DLGAP1: variants seen among roughly 807,000 people sequenced by gnomAD.
DLGAP1 encodes disks large-associated protein 1.
DLGAP1 carries 11 observed loss-of-function variants against 90.8 expected under a neutral mutation model. The ratio of observed to expected loss-of-function variants is 0.12; its 90% confidence interval spans 0.08 to 0.20. The LOEUF is 0.20. Ranked by LOEUF, DLGAP1 falls within the 10% of genes least tolerant of loss-of-function variation. The pLI, the probability that DLGAP1 is intolerant of heterozygous loss-of-function variation, is 1.00. For missense variants in DLGAP1, 1,050 were observed against 1,333.8 expected (o/e 0.79, Z 3.31); for synonymous variants, 558 against 540.7 (o/e 1.03, Z -0.44).
At chr18:4,310,550 C>T (rs2143445020) in intron 1 of DLGAP1, among the ~76,000 whole-genome samples, 1 of 152,258 alleles carries the variant, frequency 6.6e-6, no homozygotes. Context: ...TATGTGATTT[C>T]CTACAACCTT....
intron 2 of DLGAP1, among the ~76,000 whole-genome samples, chr18:4,110,998 C>G (rs2075962020): frequency 6.6e-6 from 1 of 152,084 alleles, no homozygotes; most frequent in Non-Finnish European, 1.5e-5. Flanking sequence ...ATGAAGCTCT[C>G]TTCATTTCAT....
In DLGAP1 at chr18:3,561,260, A is replaced by C. The variant is rs1334263724; in HGVS notation, c.2057+6230T>G. 2.3e-4 allele frequency among the ~76,000 whole-genome samples: 23 copies of C among 102,138 alleles called. 1 individual carries two copies. The highest frequency in any genetic ancestry group is 9.7e-4 in the Admixed American group (10 of 10,336). The allele number at this position is 102,138 out of a possible 152,430, so 67.0% of individuals were successfully genotyped here. A position where few individuals can be genotyped will look rare whatever the true frequency, so the allele number is the denominator to read the frequency against. On this transcript the variant is annotated intron_variant, in intron 9 of 12. Transcript: ENST00000315677. ...GTGAAACACCGTCTCTACTAAAAAA[A>C]AAAAACAAAAAAAAAAAAACAAACA...
At position 4,320,379 on chromosome 18, in the gene DLGAP1, ATATT is replaced by A. The variant is rs2080650800; in HGVS notation, c.-267+134623_-267+134626del. On this transcript the variant is annotated intron_variant, in intron 1 of 12. Transcript: ENST00000315677. ...CTTTTTAAAGTTATTTGAATTAAAT[ATATT>A]TATTTTTTATTAGAGCTCTATAAAT... Among the ~76,000 whole-genome samples, 4 of 152,272 alleles carry A rather than the reference ATATT, an allele frequency of 2.6e-5. No individual in the cohort carries two copies. In the South Asian group the frequency reaches 8.3e-4, roughly 32 times the overall value.
At position 3,802,693 on chromosome 18, in the gene DLGAP1, G is replaced by A. The variant is rs921081131; in HGVS notation, c.1172+11366C>T. Among the ~76,000 whole-genome samples the A allele has an allele frequency of 1.4e-3, 210 of 148,582 alleles. 4 individuals carry two copies. Among genetic ancestry groups the A allele is most frequent in the Non-Finnish European group, 3.5e-4 (24 of 67,958 alleles). On this transcript the variant is annotated intron_variant, in intron 5 of 12. Transcript: ENST00000315677. ...AACTTACAAATAATGATACAAAATTGTTTTCATTGCTCTTGGCGGCACTGA... is the reference window on the plus strand; with the variant it reads ...AACTTACAAATAATGATACAAAATTATTTTCATTGCTCTTGGCGGCACTGA...
At chr18:4,224,011 T>C (rs1263288180) in intron 1 of DLGAP1, among the ~76,000 whole-genome samples, 1 of 152,204 alleles carries the variant, frequency 6.6e-6, no homozygotes, top group East Asian at 1.9e-4. Context: ...AGAATGAGCA[T>C]AGAACACTGA....
intron 7 of DLGAP1, among the ~76,000 whole-genome samples, chr18:3,583,565 A>C (rs1054992437): frequency 1.3e-5 from 2 of 152,210 alleles, no homozygotes; most frequent in Non-Finnish European, 1.5e-5. Flanking sequence ...ATTAATCCAC[A>C]TGCTAGCTTA....
intron 1 of DLGAP1, among the ~76,000 whole-genome samples, chr18:4,363,887 C>G (rs1351901155): frequency 6.6e-6 from 1 of 152,092 alleles, no homozygotes; most frequent in African/African-American, 2.4e-5. Flanking sequence ...ACCATTTGAA[C>G]CAGCCATCCC....
At chr18:3,704,486 C>T (rs2061374448) in intron 7 of DLGAP1, among the ~76,000 whole-genome samples, 1 of 151,978 alleles carries the variant, frequency 6.6e-6, no homozygotes, top group Admixed American at 6.6e-5. Context: ...AGGAGAATCG[C>T]TTGAACCCGG....
At chr18:4,046,260 A>G (rs796404428) in intron 2 of DLGAP1, among the ~76,000 whole-genome samples, 17 of 152,326 alleles carry the variant, frequency 1.1e-4, no homozygotes, top group African/African-American at 4.1e-4. Context: ...TAGAGCTTCT[A>G]AAGATTGCAT....
chr18:3,555,861 C>G (rs1226488138), intron 9 of DLGAP1, among the ~76,000 whole-genome samples: 1 of 151,938 alleles, frequency 6.6e-6, no homozygotes, highest in Non-Finnish European at 1.5e-5. Flanking sequence ...GAAAGATAGA[C>G]TGGCTGATTG....
chr18:3,734,438 A>C (rs2062563002), intron 6 of DLGAP1, among the ~76,000 whole-genome samples: 1 of 151,522 alleles, frequency 6.6e-6, no homozygotes, highest in Non-Finnish European at 1.5e-5. Context: ...TTGATTTTAA[A>C]ATTTTCCTTC....
At chr18:3,600,887 TATATAGATATATATAGATATATAGATAG>T (rs1568279012) in intron 7 of DLGAP1, among the ~76,000 whole-genome samples, 2 of 127,204 alleles carry the variant, frequency 1.6e-5, no homozygotes, top group African/African-American at 3.0e-5. Context: ...TATAGATAGA[TATATAGATATATATAGATATATAGATAG>T]ATATAGATAT....
chr18:4,247,641 G>A (rs145569081), intron 1 of DLGAP1, among the ~76,000 whole-genome samples: 2,615 of 152,200 alleles, frequency 0.017, 29 homozygotes, highest in Non-Finnish European at 0.024. Flanking sequence ...GCCAGGCGTG[G>A]TGGCAGGCGC....
intron 3 of DLGAP1, among the ~76,000 whole-genome samples, chr18:3,888,651 T>A (rs898063473): frequency 3.9e-5 from 6 of 152,188 alleles, no homozygotes; most frequent in Admixed American, 2.6e-4. Context: ...ACAAAGCTTT[T>A]AAAAAGTGGT....
At chr18:3,723,318 G>A (rs1032479648) in intron 7 of DLGAP1, among the ~76,000 whole-genome samples, 3 of 152,178 alleles carry the variant, frequency 2.0e-5, no homozygotes, top group Non-Finnish European at 4.4e-5. Context: ...CACTAGACTG[G>A]ATGATGTAGA....
chr18:4,006,648 CT>C (rs148340836), intron 2 of DLGAP1, among the ~76,000 whole-genome samples: 39,775 of 141,082 alleles, frequency 0.28, 5,642 homozygotes, highest in African/African-American at 0.41. Context: ...CAACCCCTGG[CT>C]TTTTTTTTTT....
intron 7 of DLGAP1, among the ~76,000 whole-genome samples, chr18:3,633,494 G>T (rs1158246268): frequency 6.6e-6 from 1 of 151,790 alleles, no homozygotes; most frequent in Non-Finnish European, 1.5e-5. Flanking sequence ...GAATTTATCA[G>T]AATTAAGAGT....
intron 1 of DLGAP1, among the ~76,000 whole-genome samples, chr18:4,196,206 G>A (rs1396822219): frequency 6.6e-6 from 1 of 152,150 alleles, no homozygotes; most frequent in Admixed American, 6.5e-5. Flanking sequence ...CAGTAAAGGA[G>A]ACATAGGAGA....
chr18:4,162,910 G>GTT (rs113123963), intron 1 of DLGAP1, among the ~76,000 whole-genome samples: 1 of 148,532 alleles, frequency 6.7e-6, no homozygotes, highest in Admixed American at 6.7e-5. Context: ...AATAATCAGA[G>GTT]TTTTTTTTTA....
Sources: gnomAD v4.1 joint callset for allele counts (sites outside exome capture counted in the v4.1 genomes callset) on GRCh38, gnomAD v4.1.1 for gene constraint, MANE v1.5 for transcripts, NCBI Gene and HGNC (gene_info 2026-07-23, HGNC 2026-07-21) for gene names.